The following IL1RL2 variants were observed in gnomAD, a reference collection of about 807,000 sequenced individuals.
The protein encoded by IL1RL2 is interleukin 1 receptor like 2, also known as interleukin-1 receptor-like 2.
Under a neutral mutation model 66.8 loss-of-function variants are expected in IL1RL2, and 68 were observed. That is an observed-to-expected ratio of 1.02 (90% CI 0.84 to 1.25). The LOEUF (loss-of-function observed/expected upper bound fraction) is 1.25, where lower values mean the gene tolerates loss of function less well. Ranked by LOEUF, IL1RL2 falls within the 50% of genes most tolerant of loss-of-function variation. The pLI is 0.00. For synonymous variants in IL1RL2, 305 were observed against 264.6 expected (o/e 1.15, Z -1.48); for missense variants, 729 against 709.3 (o/e 1.03, Z -0.32).
chr2:102,215,486 G>A (rs1689530662), intron 6 of IL1RL2, among the ~76,000 whole-genome samples: 1 of 152,100 alleles, frequency 6.6e-6, no homozygotes, highest in Non-Finnish European at 1.5e-5. Context: ...TGGACAGGCA[G>A]TCCTGCACAA....
intron 9 of IL1RL2, among the ~76,000 whole-genome samples, chr2:102,232,113 C>CTT (rs70946680): frequency 0.27 from 38,385 of 144,194 alleles, 5,852 homozygotes; most frequent in African/African-American, 0.39. Flanking sequence ...TCCTTGAACT[C>CTT]TTTTTTTTTT....
At chr2:102,236,110 AT>A in intron 11 of IL1RL2, 1 of 204,428 alleles carries the variant, frequency 4.9e-6, no homozygotes, top group Non-Finnish European at 8.6e-6. Flanking sequence ...TCACAGGCCA[AT>A]TTATAACTTA....
At chr2:102,223,949 G>A (rs1161361582) in intron 8 of IL1RL2, among the ~76,000 whole-genome samples, 1 of 152,180 alleles carries the variant, frequency 6.6e-6, no homozygotes, top group Non-Finnish European at 1.5e-5. Context: ...GTGGTGCAGT[G>A]CGTCTATACT....
At chr2:102,213,921 A>T (rs1317138412) in intron 6 of IL1RL2, among the ~76,000 whole-genome samples, 1 of 152,176 alleles carries the variant, frequency 6.6e-6, no homozygotes, top group Non-Finnish European at 1.5e-5. Flanking sequence ...AAGTGCAGAG[A>T]CACCCAAATA....
At position 102,209,686 on chromosome 2, in the gene IL1RL2, A is replaced by C. The variant is rs149943125; in HGVS notation, c.650-2414A>C. On this transcript the variant is annotated intron_variant, in intron 5 of 11. Coordinates refer to ENST00000264257, the MANE Select transcript of IL1RL2 (RefSeq NM_003854.4). ...CACTGAAGGGCCCTGGGACGGTGCA[A>C]ATGCAGAGTCATTGGGCTGCATTTG... Among the ~76,000 whole-genome samples the C allele has an allele frequency of 6.3e-3, 965 of 152,272 alleles. 2 individuals carry two copies. Among genetic ancestry groups the C allele is most frequent in the Non-Finnish European group, 0.01 (704 of 68,018 alleles).
chr2:102,226,036 T>C lies in IL1RL2; in HGVS notation c.1130T>C (p.Ile377Thr). The change falls in exon 9 of 12, where the codon ATA (isoleucine) becomes ACA (threonine). Residue 377 changes from isoleucine (I) to threonine (T), a missense_variant. Transcript: ENST00000264257. ...YRSAFHSTET[I>T]VDGKLYDAYV... ...AGTGCCTTCCATTCTACAGAGACCA[T>C]AGTAGGTAAGTGTGTGTAATCACTG... is the stretch of plus-strand genomic sequence containing the variant. 2.5e-6 allele frequency: 4 copies of C among 1,593,962 alleles called. No homozygotes were observed. The highest frequency in any genetic ancestry group is 2.3e-5 in the South Asian group (2 of 87,730).
intron 6 of IL1RL2, among the ~76,000 whole-genome samples, chr2:102,217,797 A>C (rs1212056678): frequency 7.9e-5 from 12 of 152,334 alleles, no homozygotes; most frequent in East Asian, 7.7e-4. Flanking sequence ...TGGATTAAAG[A>C]CTTAAATATA....
At chr2:102,214,706 A>G (rs929191902) in intron 6 of IL1RL2, among the ~76,000 whole-genome samples, 2 of 142,172 alleles carry the variant, frequency 1.4e-5, no homozygotes, top group Non-Finnish European at 3.2e-5. Flanking sequence ...ATTTCTGTCA[A>G]AAATGCTGGA....
At chr2:102,237,377 C>A (rs1674977516) in intron 11 of IL1RL2, among the ~76,000 whole-genome samples, 2 of 152,214 alleles carry the variant, frequency 1.3e-5, no homozygotes, top group African/African-American at 4.8e-5. Flanking sequence ...GGTTTCCTGG[C>A]GTGGCCTGGT....
intron 4 of IL1RL2, among the ~76,000 whole-genome samples, chr2:102,192,884 C>T (rs1028034497): frequency 6.6e-6 from 1 of 152,172 alleles, no homozygotes; most frequent in African/African-American, 2.4e-5. Context: ...CTTACTTTCT[C>T]TTGTGTGAGT....
At chr2:102,192,964 T>C (rs752657675) in intron 4 of IL1RL2, among the ~76,000 whole-genome samples, 6 of 152,216 alleles carry the variant, frequency 3.9e-5, no homozygotes, top group Non-Finnish European at 7.3e-5. Context: ...GAAAATTGTT[T>C]AGCAGCTCTT....
chr2:102,233,207 ACT>A (rs1691300525), intron 10 of IL1RL2, 83 bp downstream of exon 10: 3 of 1,321,210 alleles, frequency 2.3e-6, no homozygotes, highest in Non-Finnish European at 3.1e-6. Context: ...AATGGCGGTG[ACT>A]CTGCCTGCCT....
At chr2:102,219,724 C>A (rs1224634774) in intron 7 of IL1RL2, among the ~76,000 whole-genome samples, 157 bp from the exon 8 acceptor site, 1 of 152,174 alleles carries the variant, frequency 6.6e-6, no homozygotes, top group East Asian at 1.9e-4. Flanking sequence ...AATATACAAT[C>A]TACAAACCTC....
At position 102,192,064 on chromosome 2, in the gene IL1RL2, ACATGTCATCTG is replaced by A; in HGVS notation, c.436_446del (p.Cys146LeufsTer14). On this transcript the variant is annotated frameshift_variant, in exon 4 of 12. Coordinates refer to ENST00000264257, the MANE Select transcript of IL1RL2 (RefSeq NM_003854.4). LOFTEE classifies it high-confidence loss of function. Reference sequence around the variant, plus strand: ...ACATCTTGGAAAAGATGATAGTCTCACATGTCATCTGCACTTCCCGAAGAGTTGTGTTTTGG... The same window carrying A: ...ACATCTTGGAAAAGATGATAGTCTCACACTTCCCGAAGAGTTGTGTTTTGG... 1 of 1,611,142 alleles carries A rather than the reference ACATGTCATCTG, an allele frequency of 6.2e-7. No individual in the cohort carries two copies. Among genetic ancestry groups the A allele is most frequent in the Non-Finnish European group, 8.5e-7 (1 of 1,178,952 alleles).
intron 11 of IL1RL2, chr2:102,235,955 C>T: frequency 3.0e-6 from 3 of 985,092 alleles, no homozygotes; most frequent in Non-Finnish European, 3.6e-6. Flanking sequence ...CAAACTAAAG[C>T]AAGCAGGAAT....
chr2:102,204,388 T>C (rs1688525612), intron 5 of IL1RL2, among the ~76,000 whole-genome samples: 1 of 152,138 alleles, frequency 6.6e-6, no homozygotes, highest in Admixed American at 6.5e-5. Flanking sequence ...TAAATGGATC[T>C]ATTAGATCCA....
chr2:102,228,596 C>T (rs959713514), intron 9 of IL1RL2, among the ~76,000 whole-genome samples: 1 of 152,128 alleles, frequency 6.6e-6, no homozygotes, highest in South Asian at 2.1e-4. Context: ...GAAAATGCCT[C>T]GCCTTACTCC....
Position 102,219,958 on chromosome 2 carries a change from GCCTTCCTT to G in IL1RL2, c.933_940del (p.Leu312HisfsTer46). The G allele has an allele frequency of 6.2e-7, 1 of 1,613,652 alleles. No individual in the cohort carries two copies. Among genetic ancestry groups the G allele is most frequent in the South Asian group, 1.1e-5 (1 of 91,058 alleles). The stretch of plus-strand genomic sequence containing the variant: ...TTGGAAGTGAAAATGGAAGATTATG[GCCTTCCTT>G]TCATGTGCCACGCTGGAGTGTCCAC... On this transcript the variant is annotated frameshift_variant, in exon 8 of 12. Transcript: ENST00000264257. LOFTEE classifies it high-confidence loss of function.
chr2:102,237,321 CCG>C (rs1173059829), intron 11 of IL1RL2, among the ~76,000 whole-genome samples: 7 of 152,216 alleles, frequency 4.6e-5, no homozygotes, highest in African/African-American at 1.7e-4. Flanking sequence ...TCTTACTGCC[CCG>C]GGGTTAGTCA....
Sources: gnomAD v4.1 joint callset for allele counts (sites outside exome capture counted in the v4.1 genomes callset) on GRCh38, gnomAD v4.1.1 for gene constraint, MANE v1.5 for transcripts, NCBI Gene and HGNC (gene_info 2026-07-23, HGNC 2026-07-21) for gene names.